GRID2: variants seen among roughly 807,000 people sequenced by gnomAD.
The protein encoded by GRID2 is glutamate ionotropic receptor delta type subunit 2.
Under a neutral mutation model 114.8 loss-of-function variants are expected in GRID2, and 33 were observed. The ratio of observed to expected loss-of-function variants is 0.29; its 90% CI spans 0.22 to 0.38. GRID2 has a LOEUF of 0.38. GRID2 is among the 10% of genes least tolerant of loss of function. The pLI, the probability that GRID2 is intolerant of heterozygous loss-of-function variation, is 1.00. For synonymous variants in GRID2, 505 were observed against 449.9 expected (o/e 1.12, Z -1.55); for missense variants, 1,184 against 1,257.7 (o/e 0.94, Z 0.89).
chr4:92,998,749 C>A (rs1179510913), intron 2 of GRID2, among the ~76,000 whole-genome samples: 2 of 150,536 alleles, frequency 1.3e-5, no homozygotes, highest in African/African-American at 2.4e-5. Context: ...GGGATAATTT[C>A]TTTTTCTTCT....
chr4:92,442,244 AGAAGATCTGG>A (rs1372111138), intron 1 of GRID2, among the ~76,000 whole-genome samples: 2 of 151,884 alleles, frequency 1.3e-5, no homozygotes, highest in East Asian at 3.9e-4. Context: ...CGCTAAGCCG[AGAAGATCTGG>A]GAAGGAGTCA....
intron 1 of GRID2, among the ~76,000 whole-genome samples, chr4:92,473,519 T>C (rs1028352137): frequency 2.6e-5 from 4 of 152,088 alleles, no homozygotes; most frequent in African/African-American, 4.8e-5. Context: ...AAGTATTCAA[T>C]CTTCACCATT....
At chr4:93,362,405 A>C (rs1032345856) in intron 8 of GRID2, among the ~76,000 whole-genome samples, 5 of 151,430 alleles carry the variant, frequency 3.3e-5, no homozygotes, top group East Asian at 2.0e-4. Context: ...TGGTGATCCT[A>C]CTCATCCTCC....
At chr4:93,160,198 G>C (rs1019148831) in intron 4 of GRID2, among the ~76,000 whole-genome samples, 1 of 151,604 alleles carries the variant, frequency 6.6e-6, no homozygotes, top group African/African-American at 2.4e-5. Context: ...TTCCTTTTTG[G>C]ATTGACAAGG....
chr4:92,921,747 G>A (rs945588871), intron 2 of GRID2, among the ~76,000 whole-genome samples: 2 of 152,176 alleles, frequency 1.3e-5, no homozygotes, highest in South Asian at 2.1e-4. Context: ...TGAGGTGTCA[G>A]TCTGCCCCTA....
At chr4:93,769,653 G>C (rs995460154) in intron 15 of GRID2, among the ~76,000 whole-genome samples, 2 of 152,100 alleles carry the variant, frequency 1.3e-5, no homozygotes, top group African/African-American at 4.8e-5. Flanking sequence ...CAGTGAAGAG[G>C]AGACTATAGT....
intron 14 of GRID2, among the ~76,000 whole-genome samples, chr4:93,746,539 C>T (rs1216572117): frequency 6.6e-6 from 1 of 152,058 alleles, no homozygotes; most frequent in African/African-American, 2.4e-5. Flanking sequence ...GGATTACAGT[C>T]TTTCTCAAGA....
At chr4:92,439,983 G>T (rs1210517661) in intron 1 of GRID2, among the ~76,000 whole-genome samples, 6 of 145,106 alleles carry the variant, frequency 4.1e-5, no homozygotes, top group Admixed American at 1.4e-4. Flanking sequence ...CAAGTTTTTT[G>T]GGGGCACAGT....
chr4:92,794,438 A>G (rs995483519), intron 2 of GRID2, among the ~76,000 whole-genome samples: 1 of 151,862 alleles, frequency 6.6e-6, no homozygotes, highest in African/African-American at 2.4e-5. Context: ...GAAAAATTGT[A>G]TGGCAAAATA....
intron 2 of GRID2, among the ~76,000 whole-genome samples, chr4:92,713,609 C>A (rs1299084587): frequency 6.7e-6 from 1 of 149,234 alleles, no homozygotes; most frequent in South Asian, 2.1e-4. Context: ...GGGCAATTTG[C>A]AAAAGAAAGA....
At chr4:93,435,103 T>A (rs975731970) in intron 10 of GRID2, among the ~76,000 whole-genome samples, 2 of 152,192 alleles carry the variant, frequency 1.3e-5, no homozygotes, top group African/African-American at 4.8e-5. Context: ...AATTATTTTA[T>A]TATGTACTGA....
intron 2 of GRID2, among the ~76,000 whole-genome samples, chr4:92,646,210 C>T (rs1364379619): frequency 6.6e-6 from 1 of 152,266 alleles, no homozygotes; most frequent in African/African-American, 2.4e-5. Context: ...GAGATACTTT[C>T]TTATTATGTG....
intron 2 of GRID2, among the ~76,000 whole-genome samples, chr4:92,746,649 T>C (rs1442110277): frequency 6.6e-6 from 1 of 152,160 alleles, no homozygotes; most frequent in Non-Finnish European, 1.5e-5. Context: ...CTTTACGTAC[T>C]TACAGAATGT....
chr4:92,530,624 G>A (rs562851831), intron 1 of GRID2, among the ~76,000 whole-genome samples: 36 of 151,570 alleles, frequency 2.4e-4, no homozygotes, highest in African/African-American at 8.0e-4. Flanking sequence ...TTAAATGGCT[G>A]GGCATGGTGG....
At chr4:92,641,512 A>T (rs1251259403) in intron 2 of GRID2, among the ~76,000 whole-genome samples, 3 of 151,632 alleles carry the variant, frequency 2.0e-5, no homozygotes, top group Admixed American at 1.3e-4. Context: ...AAAAGAAATC[A>T]TCAGAATTCA....
chr4:92,467,667 A>C (rs887845200), intron 1 of GRID2, among the ~76,000 whole-genome samples: 1 of 152,034 alleles, frequency 6.6e-6, no homozygotes, highest in Non-Finnish European at 1.5e-5. Flanking sequence ...ATGGAAAAGC[A>C]TCTCTTCTCT....
intron 1 of GRID2, among the ~76,000 whole-genome samples, chr4:92,312,556 T>C (rs1205009477): frequency 1.3e-5 from 2 of 152,062 alleles, no homozygotes; most frequent in Non-Finnish European, 2.9e-5. Context: ...AATGTGTTAC[T>C]GTTGACTAAT....
Position 92,990,974 on chromosome 4 carries a change from G to A in GRID2, c.245-94021G>A, listed in dbSNP as rs546658986. On this transcript the variant is annotated intron_variant, in intron 2 of 15. Coordinates refer to ENST00000282020, the MANE Select transcript of GRID2 (RefSeq NM_001510.4). ...ACAAAATTACTATTATGAAAAGTGG[G>A]CAATAATGATGATAATGGTAGCCAT... Among the ~76,000 whole-genome samples, 23 of 152,222 alleles carry A rather than the reference G, an allele frequency of 1.5e-4. 1 individual carries two copies. The South Asian group carries it at 3.5e-3, about 23-fold the overall frequency.
chr4:92,751,253 C>T (rs916665596), intron 2 of GRID2, among the ~76,000 whole-genome samples: 10 of 151,564 alleles, frequency 6.6e-5, no homozygotes, highest in South Asian at 2.1e-4. Context: ...CAAAAAGATA[C>T]GTAGATTAAA....
Sources: gnomAD v4.1 joint callset for allele counts (sites outside exome capture counted in the v4.1 genomes callset) on GRCh38, gnomAD v4.1.1 for gene constraint, MANE v1.5 for transcripts, NCBI Gene and HGNC (gene_info 2026-07-23, HGNC 2026-07-21) for gene names.